AKAP13: variants seen among roughly 807,000 people sequenced by gnomAD.
AKAP13 encodes the protein A-kinase anchoring protein 13.
Under a neutral mutation model 264.5 loss-of-function variants are expected in AKAP13, and 80 were observed. That is an observed-to-expected ratio of 0.30 (90% CI 0.25 to 0.36). The LOEUF (loss-of-function observed/expected upper bound fraction) is 0.36. Among genes scored for constraint, AKAP13 ranks in the 10% least tolerant of loss-of-function variants. The pLI, the probability that AKAP13 is intolerant of heterozygous loss-of-function variation, is 1.00. For missense variants in AKAP13, 3,712 were observed against 3,435.2 expected (o/e 1.08, Z -2.01); for synonymous variants, 1,380 against 1,250.2 (o/e 1.10, Z -2.19).
At chr15:85,540,319 T>G (rs1351746023) in intron 4 of AKAP13, among the ~76,000 whole-genome samples, 1 of 152,154 alleles carries the variant, frequency 6.6e-6, no homozygotes, top group African/African-American at 2.4e-5. Flanking sequence ...GCCTTCCAGT[T>G]GATGCAGTGG....
intron 13 of AKAP13, among the ~76,000 whole-genome samples, chr15:85,665,125 A>G (rs141610609): frequency 1.8e-3 from 279 of 152,144 alleles, no homozygotes; most frequent in Non-Finnish European, 3.1e-3. Context: ...ATTACTTGAG[A>G]CCAGGAGTTT....
intron 1 of AKAP13, among the ~76,000 whole-genome samples, chr15:85,464,432 T>C (rs2074647738): frequency 1.3e-5 from 2 of 152,324 alleles, no homozygotes; most frequent in South Asian, 2.1e-4. Context: ...GGATAATATC[T>C]ATTCCTGAGT....
chr15:85,428,670 A>G (rs1214604972), intron 1 of AKAP13, among the ~76,000 whole-genome samples: 3 of 152,218 alleles, frequency 2.0e-5, no homozygotes, highest in Non-Finnish European at 2.9e-5. Context: ...TAACAAGGAC[A>G]TATAAAATTT....
At chr15:85,470,563 T>C (rs192271770) in intron 1 of AKAP13, among the ~76,000 whole-genome samples, 23 of 152,326 alleles carry the variant, frequency 1.5e-4, no homozygotes, top group African/African-American at 5.3e-4. Flanking sequence ...TTGTACAAGG[T>C]TCTTTCAAAT....
At chr15:85,554,616 A>G (rs1248744583) in intron 5 of AKAP13, among the ~76,000 whole-genome samples, 2 of 152,024 alleles carry the variant, frequency 1.3e-5, no homozygotes, top group Admixed American at 1.3e-4. Context: ...AATACTCAGA[A>G]GTTGCCTTCT....
At position 85,682,207 on chromosome 15, in the gene AKAP13, T is replaced by C. The variant is rs146923250; in HGVS notation, c.5151T>C (p.Thr1717=). 5 of 1,613,046 alleles carry C rather than the reference T, an allele frequency of 3.1e-6. No individual in the cohort carries two copies. The African/African-American group carries it at 6.7e-5, about 22-fold the overall frequency. Residue 1717 remains threonine, a synonymous_variant, in exon 15 of 37, where the codon ACT becomes ACC. Coordinates refer to ENST00000394518, the MANE Select transcript of AKAP13 (RefSeq NM_007200.5). The part of the protein sequence containing the change: ...STFHNTSANL[T]ESITEENYNF... ...TCCACAATACCAGTGCTAATCTGAC[T>C]GAGAGGTACTATAAATTTGTTACTC... is the stretch of plus-strand genomic sequence containing the variant.
rs1417517201 is a variant in AKAP13, at chr15:85,575,137, T to A, written c.669T>A (p.Asn223Lys). Residue 223 changes from asparagine to lysine, a missense_variant, in exon 6 of 37, where the codon AAT (asparagine) becomes AAA (lysine). By Grantham distance (94) the Asn-to-Lys change is moderately conservative. This residue lies in a region of AKAP13 where 2,759 missense variants were observed against 2,411.7 expected (regional missense o/e 1.14). Coordinates refer to ENST00000394518, the MANE Select transcript of AKAP13 (RefSeq NM_007200.5). The stretch of plus-strand genomic sequence containing the variant: ...CAGAGATGCTTGCATGTAGGGAGAA[T>A]GCTGGAGAACCAGACTCCTGGAGCA... ...HKLHQLLTEE[N>K]AGEPDSWSSL... 4 of 1,614,066 alleles carry A rather than the reference T, an allele frequency of 2.5e-6. No individual in the cohort carries two copies. In the Admixed American group the frequency reaches 5.0e-5, roughly 20 times the overall value.
At chr15:85,527,018 G>A (rs552421192) in intron 3 of AKAP13, among the ~76,000 whole-genome samples, 108 of 150,606 alleles carry the variant, frequency 7.2e-4, no homozygotes, top group Non-Finnish European at 6.9e-4. Flanking sequence ...GCAGTGGCGC[G>A]ATCTCTGCTC....
intron 1 of AKAP13, among the ~76,000 whole-genome samples, chr15:85,387,761 A>G (rs1469743273): frequency 6.6e-6 from 1 of 152,142 alleles, no homozygotes; most frequent in Non-Finnish European, 1.5e-5. Context: ...GTTTTTAGCA[A>G]TTGGATCTTG....
chr15:85,730,470 C>G, intron 29 of AKAP13, 43 bp from the exon 30 acceptor site: 1 of 1,596,384 alleles, frequency 6.3e-7, no homozygotes, highest in Non-Finnish European at 8.6e-7. Context: ...CTCGTAATTA[C>G]TAAACACCAA....
At chr15:85,583,312 A>G (rs1255703831) in intron 7 of AKAP13, 2 of 512,572 alleles carry the variant, frequency 3.9e-6, no homozygotes, top group African/African-American at 2.1e-5. Flanking sequence ...CTTTGGAAGA[A>G]GCGCAATTTA....
chr15:85,444,324 A>G (rs955302372), intron 1 of AKAP13, among the ~76,000 whole-genome samples: 1 of 152,198 alleles, frequency 6.6e-6, no homozygotes, highest in Non-Finnish European at 1.5e-5. Flanking sequence ...ATAGAAAACA[A>G]TGAAAGGTGG....
chr15:85,737,268 G>A (rs1003736252), intron 33 of AKAP13, among the ~76,000 whole-genome samples: 6 of 152,100 alleles, frequency 3.9e-5, no homozygotes, highest in African/African-American at 1.4e-4. Context: ...TGTTTCATCT[G>A]TGAAGCAGTC....
Position 85,458,065 on chromosome 15 carries a change from G to A in AKAP13, c.-11-27645G>A, listed in dbSNP as rs182808830. Among the ~76,000 whole-genome samples, 15 of 151,814 alleles carry A rather than the reference G, an allele frequency of 9.9e-5. No individual in the cohort carries two copies. The East Asian group carries it at 2.7e-3, about 27-fold the overall frequency. ...TGAGGCAGGAGAATTGCTTGAACCC[G>A]GGAAGCAGAGGTTGCAGTGAGCCGA... On this transcript the variant is annotated intron_variant, in intron 1 of 36. Transcript: ENST00000394518.
chr15:85,391,543 G>A (rs1325270841), intron 1 of AKAP13, among the ~76,000 whole-genome samples: 2 of 150,872 alleles, frequency 1.3e-5, no homozygotes, highest in Non-Finnish European at 1.5e-5. Flanking sequence ...GGAGTGCAGT[G>A]GCGCGATCTC....
At chr15:85,408,938 T>C (rs1220138336) in intron 1 of AKAP13, among the ~76,000 whole-genome samples, 1 of 151,718 alleles carries the variant, frequency 6.6e-6, no homozygotes, top group Non-Finnish European at 1.5e-5. Flanking sequence ...TTTACATTTC[T>C]AACAGCAGTG....
intron 19 of AKAP13, among the ~76,000 whole-genome samples, chr15:85,712,197 C>G (rs960470888): frequency 6.6e-6 from 1 of 152,116 alleles, no homozygotes; most frequent in Non-Finnish European, 1.5e-5. Flanking sequence ...AAAACCGCTC[C>G]TTTATGCCCA....
At chr15:85,434,243 G>T (rs1272983946) in intron 1 of AKAP13, among the ~76,000 whole-genome samples, 1 of 152,126 alleles carries the variant, frequency 6.6e-6, no homozygotes, top group African/African-American at 2.4e-5. Context: ...ACTCCCACCC[G>T]AATATTGCGC....
chr15:85,542,071 G>A (rs964218342), intron 4 of AKAP13, among the ~76,000 whole-genome samples: 1 of 152,246 alleles, frequency 6.6e-6, no homozygotes, highest in African/African-American at 2.4e-5. Context: ...TTCCTAGTTA[G>A]TGCCTCATTA....
Sources: gnomAD v4.1 joint callset for allele counts (sites outside exome capture counted in the v4.1 genomes callset) on GRCh38, gnomAD v4.1.1 for gene constraint, gnomAD v4.1.1 regional missense constraint, MANE v1.5 for transcripts, NCBI Gene and HGNC (gene_info 2026-07-23, HGNC 2026-07-21) for gene names.